The following TBC1D16 variants were observed in gnomAD, a reference collection of about 807,000 sequenced individuals.
The protein encoded by TBC1D16 is CTD-2529O21.1.
In TBC1D16, 58 loss-of-function variants were observed where a neutral mutation model predicts 74.7. That is an observed-to-expected ratio of 0.78 (90% CI 0.63 to 0.97). The LOEUF (loss-of-function observed/expected upper bound fraction) is 0.97, where lower values mean the gene tolerates loss of function less well. Ranked by LOEUF, TBC1D16 falls within the 50% of genes least tolerant of loss-of-function variation. The pLI is 0.00. For missense variants in TBC1D16, 1,014 were observed against 1,079.5 expected (o/e 0.94, Z 0.85); for synonymous variants, 493 against 474.7 (o/e 1.04, Z -0.50).
chr17:79,997,877 C>T, intron 3 of TBC1D16, among the ~76,000 whole-genome samples: 1 of 152,300 alleles, frequency 6.6e-6, no homozygotes, highest in East Asian at 1.9e-4. Context: ...GTAATCCCAG[C>T]ACTGTGGGAG....
Position 79,941,818 on chromosome 17 carries a change from G to T in TBC1D16, c.2055+242C>A, listed in dbSNP as rs1312989394. 6.6e-6 allele frequency among the ~76,000 whole-genome samples: 1 copy of T among 152,202 alleles called. No individual in the cohort carries two copies. The highest frequency in any genetic ancestry group is 1.5e-5 in the Non-Finnish European group (1 of 68,024). ...CCAGCGAGGGAGGCTCCTGTGTCAGGGCTGGCACCCCAGGAAAGTGAGGTG... is the reference window on the plus strand; with the variant it reads ...CCAGCGAGGGAGGCTCCTGTGTCAGTGCTGGCACCCCAGGAAAGTGAGGTG... On this transcript the variant is annotated intron_variant, in intron 11 of 11. Coordinates refer to ENST00000310924, the MANE Select transcript of TBC1D16 (RefSeq NM_019020.4). The surrounding 1 kb of genome is among the most constrained non-coding windows in gnomAD (Gnocchi z 4.3).
chr17:79,984,164 G>A (rs181351988), intron 3 of TBC1D16, among the ~76,000 whole-genome samples: 1 of 152,306 alleles, frequency 6.6e-6, no homozygotes, highest in Non-Finnish European at 1.5e-5. Flanking sequence ...TGGGACCACA[G>A]GCATCTGCCA....
chr17:80,027,554 C>A (rs117353248), intron 1 of TBC1D16, among the ~76,000 whole-genome samples: 1 of 151,818 alleles, frequency 6.6e-6, no homozygotes, highest in African/African-American at 2.4e-5. Flanking sequence ...GCTGTACTTG[C>A]GCCACTGCAC....
chr17:80,016,678 G>A lies in TBC1D16; in HGVS notation c.-62-3069C>T, dbSNP rs989409390. 3.9e-5 allele frequency among the ~76,000 whole-genome samples: 6 copies of A among 152,146 alleles called. No homozygotes were observed. In the East Asian group the frequency reaches 1.2e-3, roughly 29 times the overall value. ...CTCCCAGCCTGGCAGGAGGCAGGGG[G>A]CAGATGTCAGTGGTGATGGCCACCA... On this transcript the variant is annotated intron_variant, in intron 1 of 11. Coordinates refer to ENST00000310924, the MANE Select transcript of TBC1D16 (RefSeq NM_019020.4).
At position 79,970,729 on chromosome 17, in the gene TBC1D16, G is replaced by A. The variant is rs555795545; in HGVS notation, c.780-17911C>T. 1.6e-4 allele frequency among the ~76,000 whole-genome samples: 24 copies of A among 152,284 alleles called. 1 individual carries two copies. The East Asian group carries it at 3.7e-3, about 23-fold the overall frequency. On this transcript the variant is annotated intron_variant, in intron 3 of 11. Transcript: ENST00000310924. ...CCACTCTAGAGAGGTGGACCTGGGG[G>A]TCCTCAGTGAAGCCTGCAGAAAGGT... is the stretch of plus-strand genomic sequence containing the variant.
In TBC1D16 at chr17:79,990,613, C is replaced by T. The variant is rs1482909459; in HGVS notation, c.779+19547G>A. On this transcript the variant is annotated intron_variant, in intron 3 of 11. Coordinates refer to ENST00000310924, the MANE Select transcript of TBC1D16 (RefSeq NM_019020.4). The surrounding 1 kb of genome is among the most constrained non-coding windows in gnomAD (Gnocchi z 4.8). ...GGTAAAATGTCCATAACATAAAATT[C>T]ACCACCTTAACCGTTTTCAACGTCG... 6.6e-6 allele frequency among the ~76,000 whole-genome samples: 1 copy of T among 152,236 alleles called. No individual in the cohort carries two copies. The highest frequency in any genetic ancestry group is 1.5e-5 in the Non-Finnish European group (1 of 68,044).
Position 79,980,126 on chromosome 17 carries a change from T to G in TBC1D16, c.780-27308A>C, listed in dbSNP as rs947666456. 1.3e-4 allele frequency among the ~76,000 whole-genome samples: 20 copies of G among 152,210 alleles called. No individual in the cohort carries two copies. The highest frequency in any genetic ancestry group is 2.8e-4 in the Non-Finnish European group (19 of 68,030). On this transcript the variant is annotated intron_variant, in intron 3 of 11. Coordinates refer to ENST00000310924, the MANE Select transcript of TBC1D16 (RefSeq NM_019020.4). This position sits in a 1 kb window ranked among gnomAD's most constrained non-coding sequence, Gnocchi z 7.0. Reference sequence around the variant, plus strand: ...AGCCTCCCAGCGCATCCCACTGCTCTGCAGAAACAGAATAATCACCACCCA... The same window carrying G: ...AGCCTCCCAGCGCATCCCACTGCTCGGCAGAAACAGAATAATCACCACCCA...
Position 80,010,065 on chromosome 17 carries a change from T to TC in TBC1D16, c.779+94dup. 9.2e-7 allele frequency: 1 copy of TC among 1,088,396 alleles called. No homozygotes were observed. The highest frequency in any genetic ancestry group is 1.6e-5 in the South Asian group (1 of 61,694). 67.4% of individuals were successfully genotyped at this position (1,088,396 alleles called of 1,614,324 possible). A position where few individuals can be genotyped will look rare whatever the true frequency, so the allele number is the denominator to read the frequency against. ...CAGGTCGGGCAGATGCCTCCAGCGC[T>TC]CACCTGGCATCACAGGTGACGCAGG... On this transcript the variant is annotated intron_variant, in intron 3 of 11. Transcript: ENST00000310924. The surrounding 1 kb of genome is among the most constrained non-coding windows in gnomAD (Gnocchi z 8.8).
Position 80,010,339 on chromosome 17 carries a change from C to T in TBC1D16, c.600G>A (p.Arg200=). 1 of 1,611,794 alleles carries T rather than the reference C, an allele frequency of 6.2e-7. No homozygotes were observed. Among genetic ancestry groups the T allele is most frequent in the African/African-American group, 1.3e-5 (1 of 75,032 alleles). The part of the protein sequence containing the change: ...VSPQDVTEEG[R]EPRPEAGEED... ...CCTCCCCGGCCTCGGGCCGCGGCTCCCGCCCCTCCTCGGTGACATCCTGCG... is the reference window on the plus strand; with the variant it reads ...CCTCCCCGGCCTCGGGCCGCGGCTCTCGCCCCTCCTCGGTGACATCCTGCG... The change falls in exon 3 of 12, where the codon CGG becomes CGA. Residue 200 remains arginine, a synonymous_variant. Transcript: ENST00000310924. This position sits in a 1 kb window ranked among gnomAD's most constrained non-coding sequence, Gnocchi z 8.8.
At chr17:80,017,295 T>C (rs1378748338) in intron 1 of TBC1D16, among the ~76,000 whole-genome samples, 1 of 152,156 alleles carries the variant, frequency 6.6e-6, no homozygotes, top group African/African-American at 2.4e-5. Context: ...ACTGTGACAG[T>C]GAAGCTTTAC....
intron 2 of TBC1D16, among the ~76,000 whole-genome samples, chr17:80,013,106 C>T (rs1390663593): frequency 6.6e-6 from 1 of 152,244 alleles, no homozygotes; most frequent in East Asian, 1.9e-4. Context: ...TGACAAGGGG[C>T]CAGGCAGGCC....
chr17:80,026,793 G>C (rs535321537), intron 1 of TBC1D16, among the ~76,000 whole-genome samples: 1 of 149,856 alleles, frequency 6.7e-6, no homozygotes, highest in African/African-American at 2.6e-5. Flanking sequence ...TTTGAGGGGG[G>C]CAAAGAAAAC....
chr17:79,990,496 G>T lies in TBC1D16; in HGVS notation c.779+19664C>A, dbSNP rs1228138318. Among the ~76,000 whole-genome samples, 1 of 152,238 alleles carries T rather than the reference G, an allele frequency of 6.6e-6. No homozygotes were observed. Among genetic ancestry groups the T allele is most frequent in the Non-Finnish European group, 1.5e-5 (1 of 68,046 alleles). ...CTTACAGACCTAATCCAAGAAGGCA[G>T]TTCTCAAAAGGATGGGAAAACGTGC... On this transcript the variant is annotated intron_variant, in intron 3 of 11. Transcript: ENST00000310924. This position sits in a 1 kb window ranked among gnomAD's most constrained non-coding sequence, Gnocchi z 4.8.
chr17:80,013,653 C>T (rs773118474), intron 1 of TBC1D16, 44 bp from the exon 2 acceptor site: 9 of 1,251,710 alleles, frequency 7.2e-6, no homozygotes, highest in East Asian at 2.6e-5. Flanking sequence ...TGTGGACTTG[C>T]GTTCTGTCTC....
Position 79,944,111 on chromosome 17 carries a change from C to T in TBC1D16, c.1908+797G>A, listed in dbSNP as rs8071927. The T allele has an allele frequency of 0.07, 108,013 of 1,535,878 alleles. 4,313 individuals are homozygous for T. The highest frequency in any genetic ancestry group is 0.084 in the Non-Finnish European group (96,291 of 1,146,768). On this transcript the variant is annotated intron_variant, in intron 10 of 11. Coordinates refer to ENST00000310924, the MANE Select transcript of TBC1D16 (RefSeq NM_019020.4). The surrounding 1 kb of genome is among the most constrained non-coding windows in gnomAD (Gnocchi z 7.7). ...GCTTTCATCAGACATCAGCCCCCTG[C>T]GGTGTGAGTGAGGACAGGAGACGCT...
intron 3 of TBC1D16, among the ~76,000 whole-genome samples, chr17:79,972,365 C>T (rs1396660811): frequency 1.3e-5 from 2 of 152,080 alleles, no homozygotes; most frequent in Non-Finnish European, 2.9e-5. Context: ...TTAGTAGAGA[C>T]AGGGTTTCAC....
In TBC1D16 at chr17:79,954,967, C is replaced by G. The variant is rs1194428047; in HGVS notation, c.780-2149G>C. On this transcript the variant is annotated intron_variant, in intron 3 of 11. Coordinates refer to ENST00000310924, the MANE Select transcript of TBC1D16 (RefSeq NM_019020.4). This position sits in a 1 kb window ranked among gnomAD's most constrained non-coding sequence, Gnocchi z 5.5. ...CTTTGGCAGTCACGGATGGAGGGCC[C>G]CCTCCCTGCTGCCGTGGCCACAGAA... 3.9e-5 allele frequency among the ~76,000 whole-genome samples: 6 copies of G among 152,010 alleles called. No individual in the cohort carries two copies. The highest frequency in any genetic ancestry group is 1.5e-4 in the African/African-American group (6 of 41,378).
intron 2 of TBC1D16, 78 bp downstream of exon 2, chr17:80,013,289 G>A (rs1478157708): frequency 1.5e-6 from 2 of 1,376,796 alleles, no homozygotes; most frequent in Non-Finnish European, 2.0e-6. Flanking sequence ...CACGTGCTGT[G>A]GCCCAGGGCC....
intron 3 of TBC1D16, among the ~76,000 whole-genome samples, chr17:79,959,211 T>C (rs1323418935): frequency 6.6e-6 from 1 of 152,164 alleles, no homozygotes; most frequent in Non-Finnish European, 1.5e-5. Flanking sequence ...AAGAACGTCA[T>C]ACTGAAAAAC....
Sources: gnomAD v4.1 joint callset for allele counts (sites outside exome capture counted in the v4.1 genomes callset) on GRCh38, gnomAD v4.1.1 for gene constraint, Gnocchi (gnomAD v3.1) non-coding constraint, MANE v1.5 for transcripts, NCBI Gene and HGNC (gene_info 2026-07-23, HGNC 2026-07-21) for gene names.